Variants in CENPP observed in about 807,000 individuals in gnomAD.
CENPP encodes the protein centromere protein P.
A neutral mutation model predicts 35.6 loss-of-function variants in CENPP; 24 were observed. The observed-to-expected ratio is 0.67, with a 90% confidence interval of 0.49 to 0.95. The LOEUF (loss-of-function observed/expected upper bound fraction) is 0.95. CENPP is among the 40% of genes least tolerant of loss of function. The pLI is 0.00. For missense variants in CENPP, 332 were observed against 345.3 expected (o/e 0.96, Z 0.31); for synonymous variants, 120 against 125.5 (o/e 0.96, Z 0.29).
intron 4 of CENPP, among the ~76,000 whole-genome samples, chr9:92,354,019 A>G (rs1175626713): frequency 6.6e-6 from 1 of 152,212 alleles, no homozygotes; most frequent in Non-Finnish European, 1.5e-5. Flanking sequence ...ATGATTGGGA[A>G]CATGGTAAGA....
chr9:92,390,563 AGTGT>A (rs61628295), intron 5 of CENPP, among the ~76,000 whole-genome samples: 61,159 of 150,432 alleles, frequency 0.41, 14,643 homozygotes, highest in East Asian at 0.77. Flanking sequence ...AGAGAAATTC[AGTGT>A]GTGTGTGTGT....
In CENPP at chr9:92,557,551, G is replaced by T. The variant is rs567727014; in HGVS notation, c.565-53763G>T. 2.6e-5 allele frequency among the ~76,000 whole-genome samples: 4 copies of T among 152,042 alleles called. No individual in the cohort carries two copies. In the South Asian group the frequency reaches 8.3e-4, roughly 32 times the overall value. The stretch of plus-strand genomic sequence containing the variant: ...TTTTTTCTCTGTCTTTGTTGGACTG[G>T]GTTAATTCAAAGACCTTGTCTTTGA... On this transcript the variant is annotated intron_variant, in intron 5 of 7. Transcript: ENST00000375587.
chr9:92,595,554 T>G (rs76520680), intron 5 of CENPP, among the ~76,000 whole-genome samples: 2 of 151,620 alleles, frequency 1.3e-5, no homozygotes, highest in East Asian at 3.9e-4. Flanking sequence ...TTTTTTGTTT[T>G]TTGTTTTTGT....
chr9:92,434,583 GATTA>G (rs1306179522), intron 5 of CENPP, among the ~76,000 whole-genome samples: 5 of 152,062 alleles, frequency 3.3e-5, no homozygotes, highest in Admixed American at 6.6e-5. Flanking sequence ...ACAAATTTCT[GATTA>G]ATTTATTTTT....
chr9:92,562,825 C>A (rs1228814025), intron 5 of CENPP, among the ~76,000 whole-genome samples: 1 of 152,114 alleles, frequency 6.6e-6, no homozygotes, highest in Non-Finnish European at 1.5e-5. Context: ...AAAAAGACGA[C>A]TTTGGCAACC....
At chr9:92,571,414 T>A (rs1329278394) in intron 5 of CENPP, among the ~76,000 whole-genome samples, 1 of 152,186 alleles carries the variant, frequency 6.6e-6, no homozygotes, top group Non-Finnish European at 1.5e-5. Flanking sequence ...TAATCCTGAG[T>A]TCTAGTTTGA....
intron 5 of CENPP, among the ~76,000 whole-genome samples, chr9:92,515,531 A>G (rs1217291753): frequency 6.6e-6 from 1 of 152,192 alleles, no homozygotes; most frequent in Non-Finnish European, 1.5e-5. Context: ...ATGGTAAGCA[A>G]TCCTGTTGTG....
intron 5 of CENPP, among the ~76,000 whole-genome samples, chr9:92,605,708 T>TA (rs1446431084): frequency 1.3e-5 from 2 of 152,122 alleles, no homozygotes; most frequent in African/African-American, 4.8e-5. Context: ...GAATTAAACA[T>TA]AAATGTAAAT....
chr9:92,613,356 T>G lies in CENPP; in HGVS notation c.*207T>G. 1.8e-6 allele frequency: 1 copy of G among 541,772 alleles called. No homozygotes were observed. Among genetic ancestry groups the G allele is most frequent in the South Asian group, 2.1e-5 (1 of 46,622 alleles). 33.6% of individuals were successfully genotyped at this position (541,772 alleles called of 1,614,324 possible). ...TAAAATGCCAAATAAAAGTGACACG[T>G]ACAATGTGGTTTATAAAAATAAGCT... On this transcript the variant is annotated 3_prime_UTR_variant, in exon 8 of 8. Coordinates refer to ENST00000375587, the MANE Select transcript of CENPP (RefSeq NM_001012267.3).
intron 5 of CENPP, among the ~76,000 whole-genome samples, chr9:92,587,457 G>A (rs1006688002): frequency 4.0e-5 from 6 of 151,360 alleles, no homozygotes; most frequent in Non-Finnish European, 7.4e-5. Flanking sequence ...CAACAAGAGC[G>A]AAATTGCCAT....
At chr9:92,600,228 G>A in intron 5 of CENPP, 10 of 1,285,892 alleles carry the variant, frequency 7.8e-6, no homozygotes, top group Non-Finnish European at 1.0e-5. Flanking sequence ...AAGAACAGAA[G>A]GGCGTGGGAT....
chr9:92,454,909 A>G lies in CENPP; in HGVS notation c.564+75050A>G, dbSNP rs1006668825. Reference sequence around the variant, plus strand: ...CTATCATCATCCCTCTACTCATACCATGGTCTTCCCTCTTTTTTTGCTCAA... The same window carrying G: ...CTATCATCATCCCTCTACTCATACCGTGGTCTTCCCTCTTTTTTTGCTCAA... On this transcript the variant is annotated intron_variant, in intron 5 of 7. Transcript: ENST00000375587. Among the ~76,000 whole-genome samples the G allele has an allele frequency of 5.9e-5, 9 of 152,186 alleles. No individual in the cohort carries two copies. The East Asian group carries it at 1.7e-3, about 29-fold the overall frequency.
intron 5 of CENPP, among the ~76,000 whole-genome samples, chr9:92,383,757 A>G (rs994634088): frequency 1.3e-4 from 20 of 152,194 alleles, no homozygotes; most frequent in African/African-American, 4.3e-4. Flanking sequence ...CCTTTTACCA[A>G]TGTTCTTTCT....
chr9:92,433,245 G>A (rs1844164050), intron 5 of CENPP, among the ~76,000 whole-genome samples: 2 of 152,204 alleles, frequency 1.3e-5, no homozygotes, highest in Admixed American at 6.5e-5. Flanking sequence ...TGTAATAACA[G>A]CATCAGATAA....
rs942267262 is a variant in CENPP at position 92,365,918 on chromosome 9, C to T, written c.468-13845C>T. Among the ~76,000 whole-genome samples, 10 of 151,138 alleles carry T rather than the reference C, an allele frequency of 6.6e-5. No individual in the cohort carries two copies. The South Asian group carries it at 1.3e-3, about 19-fold the overall frequency. On this transcript the variant is annotated intron_variant, in intron 4 of 7. Coordinates refer to ENST00000375587, the MANE Select transcript of CENPP (RefSeq NM_001012267.3). ...AGGGTTCGCTGGGCATGGTGGCTCACGCCTGTAATCCCAGCACTTTGGGAG... is the reference window on the plus strand; with the variant it reads ...AGGGTTCGCTGGGCATGGTGGCTCATGCCTGTAATCCCAGCACTTTGGGAG...
At chr9:92,559,114 C>T (rs777515015) in intron 5 of CENPP, among the ~76,000 whole-genome samples, 2 of 152,182 alleles carry the variant, frequency 1.3e-5, no homozygotes, top group African/African-American at 2.4e-5. Flanking sequence ...ACTGGATTCG[C>T]GCCCTCCCCC....
intron 5 of CENPP, chr9:92,482,172 TATAGAG>T (rs1845934339): frequency 6.6e-6 from 1 of 152,158 alleles, no homozygotes; most frequent in East Asian, 1.9e-4. Flanking sequence ...TTTAAGAAAT[TATAGAG>T]ATAAACTTTG....
At chr9:92,404,727 T>A in intron 5 of CENPP, 1 of 1,082,122 alleles carries the variant, frequency 9.2e-7, no homozygotes, top group South Asian at 2.0e-5. Flanking sequence ...TGTGCTTAAG[T>A]TATTTGTTGT....
At chr9:92,462,581 A>G (rs1326239440) in intron 5 of CENPP, among the ~76,000 whole-genome samples, 2 of 152,246 alleles carry the variant, frequency 1.3e-5, no homozygotes, top group Non-Finnish European at 2.9e-5. Flanking sequence ...TATTAGCAAT[A>G]AAGACGGATG....
Sources: allele counts gnomAD v4.1 joint callset (sites outside exome capture counted in the v4.1 genomes callset), GRCh38; gene constraint gnomAD v4.1.1; transcripts MANE v1.5; gene names NCBI Gene and HGNC (gene_info 2026-07-23, HGNC 2026-07-21).